Variants in CACNA1A observed in about 807,000 individuals in gnomAD.
CACNA1A encodes voltage-dependent P/Q-type calcium channel subunit alpha-1A.
In CACNA1A, 57 loss-of-function variants were observed where a neutral mutation model predicts 262.4. The ratio of observed to expected loss-of-function variants is 0.22; its 90% CI spans 0.18 to 0.27. The LOEUF (loss-of-function observed/expected upper bound fraction) is 0.27, where lower values mean the gene tolerates loss of function less well. Among genes scored for constraint, CACNA1A ranks in the 10% least tolerant of loss-of-function variants. The pLI is 1.00. For synonymous variants in CACNA1A, 1,431 were observed against 1,419.3 expected (o/e 1.01, Z -0.18); for missense variants, 2,526 against 3,562.8 (o/e 0.71, Z 7.41).
intron 10 of CACNA1A, among the ~76,000 whole-genome samples, chr19:13,324,236 G>C (rs897012639): frequency 1.3e-5 from 2 of 152,160 alleles, no homozygotes; most frequent in Admixed American, 1.3e-4. Flanking sequence ...GGCTGCAGGG[G>C]AGGAGGAGGG....
rs556734959 is a variant in CACNA1A at position 13,445,177 on chromosome 19, C to CA, written c.539+7698dup. ...AAAAAATTCAATGATGCTTCAAGAC[C>CA]AAAAAACAACATCTTTCCCTGATGG... On this transcript the variant is annotated intron_variant, in intron 3 of 46. Coordinates refer to ENST00000360228, the MANE Select transcript of CACNA1A (RefSeq NM_001127222.2). 7.2e-4 allele frequency among the ~76,000 whole-genome samples: 109 copies of CA among 151,954 alleles called. 1 individual carries two copies. The highest frequency in any genetic ancestry group is 2.5e-3 in the African/African-American group (103 of 41,444).
intron 4 of CACNA1A, among the ~76,000 whole-genome samples, chr19:13,370,150 G>A (rs1349304338): frequency 6.6e-6 from 1 of 151,950 alleles, no homozygotes; most frequent in Non-Finnish European, 1.5e-5. Context: ...ATCCAGGCTG[G>A]AGTGCAGTGG....
At chr19:13,225,183 G>A (rs1336601345) in intron 37 of CACNA1A, 3 of 171,824 alleles carry the variant, frequency 1.7e-5, no homozygotes, top group Non-Finnish European at 3.8e-5. Context: ...CAGGACCACA[G>A]CCGCTGGTGG....
rs1452273079 is a variant in CACNA1A, at chr19:13,207,470, G to C, written c.7364C>G (p.Pro2455Arg). The change falls in exon 47 of 47, where the codon CCC becomes CGC. Residue 2455 changes from proline to arginine, a missense_variant. Transcript: ENST00000360228. This position sits in a 1 kb window ranked among gnomAD's most constrained non-coding sequence, Gnocchi z 5.7. The stretch of plus-strand genomic sequence containing the variant: ...GGCGCAGGCCGGGCCCGAGGCCCGG[G>C]GAGTCCTGGGCGAGCGCCCGGTGGC... ...SGATGRSPRT[P>R]RASGPACASP... The C allele has an allele frequency of 6.8e-7, 1 of 1,479,614 alleles. No homozygotes were observed. The highest frequency in any genetic ancestry group is 2.3e-5 in the Admixed American group (1 of 43,694). The allele number at this position is 1,479,614 out of a possible 1,614,324, so 91.7% of individuals were successfully genotyped here. A position where few individuals can be genotyped will look rare whatever the true frequency, so the allele number is the denominator to read the frequency against.
intron 22 of CACNA1A, among the ~76,000 whole-genome samples, chr19:13,282,336 G>A (rs1324806705): frequency 6.6e-6 from 1 of 151,896 alleles, no homozygotes; most frequent in Non-Finnish European, 1.5e-5. Context: ...AGGGTTGGGG[G>A]AGGGAGCTGG....
At chr19:13,476,869 C>A (rs1225786343) in intron 1 of CACNA1A, among the ~76,000 whole-genome samples, 1 of 152,142 alleles carries the variant, frequency 6.6e-6, no homozygotes, top group East Asian at 1.9e-4. Flanking sequence ...CCAGCTTCTG[C>A]CCTGCCTGCC....
In CACNA1A at chr19:13,368,130, C is replaced by T. The variant is rs576306993; in HGVS notation, c.632-2661G>A. On this transcript the variant is annotated intron_variant, in intron 4 of 46. Transcript: ENST00000360228. ...AGGAGTTTGAGACCAGCCTGAGCAG[C>T]GTGGTGAAACCCTGTCTCTACAAAA... Among the ~76,000 whole-genome samples the T allele has an allele frequency of 6.5e-4, 98 of 151,928 alleles. 1 individual carries two copies. The highest frequency in any genetic ancestry group is 2.0e-3 in the African/African-American group (82 of 41,380).
intron 10 of CACNA1A, among the ~76,000 whole-genome samples, chr19:13,326,256 A>C (rs952335756): frequency 6.6e-6 from 1 of 151,952 alleles, no homozygotes; most frequent in Non-Finnish European, 1.5e-5. Flanking sequence ...TGGAGGTTGC[A>C]GTGAGCCGAG....
intron 3 of CACNA1A, among the ~76,000 whole-genome samples, chr19:13,397,525 G>A (rs968030612): frequency 2.2e-4 from 34 of 152,302 alleles, no homozygotes; most frequent in African/African-American, 7.7e-4. Context: ...GAGGACCCAC[G>A]CAGAGACTGA....
chr19:13,279,406 G>A (rs1443954172), intron 22 of CACNA1A, among the ~76,000 whole-genome samples: 2 of 152,060 alleles, frequency 1.3e-5, no homozygotes, highest in East Asian at 1.9e-4. Context: ...TGAAACAGTC[G>A]ACAGTACCAA....
intron 38 of CACNA1A, among the ~76,000 whole-genome samples, chr19:13,218,925 G>A (rs569145779): frequency 6.6e-6 from 1 of 152,272 alleles, no homozygotes; most frequent in South Asian, 2.1e-4. Context: ...GTAGAGACGG[G>A]GTTTCGCCAT....
At chr19:13,397,889 A>C (rs1303573554) in intron 3 of CACNA1A, among the ~76,000 whole-genome samples, 1 of 152,158 alleles carries the variant, frequency 6.6e-6, no homozygotes, top group African/African-American at 2.4e-5. Context: ...CATGGGTTGA[A>C]GATGAGGAGC....
In CACNA1A at chr19:13,212,284, G is replaced by A. The variant is rs1035291696; in HGVS notation, c.6190-68C>T. On this transcript the variant is annotated intron_variant, in intron 42 of 46. Transcript: ENST00000360228. This position sits in a 1 kb window ranked among gnomAD's most constrained non-coding sequence, Gnocchi z 5.6. ...CCTCCAGATCCCTGGTGTCTGCAGA[G>A]GGAGGGAGCTGCAGGTGTGTGTGTG... The A allele has an allele frequency of 7.0e-6, 11 of 1,568,282 alleles. No homozygotes were observed. Among genetic ancestry groups the A allele is most frequent in the Non-Finnish European group, 8.8e-6 (10 of 1,140,712 alleles).
Position 13,283,300 on chromosome 19 carries a change from C to T in CACNA1A, c.3789G>A (p.Glu1263=). Residue 1263 remains glutamate, a synonymous_variant, in exon 22 of 47, where the codon GAG becomes GAA. Transcript: ENST00000360228. The part of the protein sequence containing the change: ...IAMSSIALAA[E]DPVQPNAPRN... ...GAGGTGCGTTGGGCTGCACAGGGTC[C>T]TCGGCGGCCAGGGCGATGCTGCTCA... 1 of 1,613,998 alleles carries T rather than the reference C, an allele frequency of 6.2e-7. No individual in the cohort carries two copies. Among genetic ancestry groups the T allele is most frequent in the Non-Finnish European group, 8.5e-7 (1 of 1,179,874 alleles).
Position 13,449,785 on chromosome 19 carries a change from T to C in CACNA1A, c.539+3091A>G, listed in dbSNP as rs8106353. Among the ~76,000 whole-genome samples the C allele has an allele frequency of 4.1e-4, 62 of 152,256 alleles. No individual in the cohort carries two copies. In the East Asian group the frequency reaches 0.011, roughly 27 times the overall value. On this transcript the variant is annotated intron_variant, in intron 3 of 46. Coordinates refer to ENST00000360228, the MANE Select transcript of CACNA1A (RefSeq NM_001127222.2). ...AACATAAAATTCAGGAAAGTGCCCC[T>C]GGATGGGGGAGAGAAAGGAATGGGT...
chr19:13,292,854 A>C (rs1270284754), intron 19 of CACNA1A, among the ~76,000 whole-genome samples: 1 of 152,062 alleles, frequency 6.6e-6, no homozygotes, highest in Non-Finnish European at 1.5e-5. Flanking sequence ...TTTTCTCTTA[A>C]AGTGCATGAA....
At chr19:13,340,424 A>AT (rs34472942) in intron 6 of CACNA1A, among the ~76,000 whole-genome samples, 1,191 of 111,918 alleles carry the variant, frequency 0.011, 25 homozygotes, top group African/African-American at 0.037. Flanking sequence ...AGAGAGGTCT[A>AT]TTTTTTTTTT....
intron 36 of CACNA1A, chr19:13,228,972 A>T: frequency 2.2e-5 from 8 of 370,644 alleles, no homozygotes; most frequent in Non-Finnish European, 3.4e-5. Context: ...CCAGGGGTGT[A>T]GGATGTCAGT....
intron 38 of CACNA1A, among the ~76,000 whole-genome samples, chr19:13,219,186 C>T (rs1006346838): frequency 4.0e-5 from 6 of 151,202 alleles, no homozygotes; most frequent in East Asian, 3.9e-4. Flanking sequence ...GGATTACTGG[C>T]GCCAGCCACC....
Sources: allele counts gnomAD v4.1 joint callset (sites outside exome capture counted in the v4.1 genomes callset), GRCh38; gene constraint gnomAD v4.1.1; non-coding constraint Gnocchi (gnomAD v3.1); transcripts MANE v1.5; gene names NCBI Gene and HGNC (gene_info 2026-07-23, HGNC 2026-07-21).